The following ZNF600 variants were observed in gnomAD, a reference collection of about 807,000 sequenced individuals.
The protein encoded by ZNF600 is zinc finger protein 600, also known as zinc finger protein KR-ZNF1.
In ZNF600, 4 loss-of-function variants were observed where a neutral mutation model predicts 7.3. That is an observed-to-expected ratio of 0.55 (90% CI 0.27 to 1.25). The LOEUF (loss-of-function observed/expected upper bound fraction) is 1.25. ZNF600 is among the 50% of genes most tolerant of loss of function. The pLI, the probability that ZNF600 is intolerant of heterozygous loss-of-function variation, is 0.12. For synonymous variants in ZNF600, 290 were observed against 308.9 expected, an observed-to-expected ratio of 0.94 and a Z score of 0.64; for missense variants, 911 against 922.1, an observed-to-expected ratio of 0.99 and a Z score of 0.16.
At chr19:52,775,009 G>T (rs1015564273) in intron 2 of ZNF600, among the ~76,000 whole-genome samples, 21 of 152,104 alleles carry the variant, frequency 1.4e-4, no homozygotes, top group Non-Finnish European at 2.4e-4. Context: ...GGAGGCCAAG[G>T]CGGGCAGATT....
chr19:52,830,372 C>T, the ZNF600 span, among the ~76,000 whole-genome samples: 1 of 151,938 alleles, frequency 6.6e-6, no homozygotes, highest in Non-Finnish European at 1.5e-5. Context: ...CGTACATGAC[C>T]CCAATTTGCA....
chr19:52,772,769 T>A (rs2147514706), intron 3 of ZNF600, among the ~76,000 whole-genome samples: 1 of 152,200 alleles, frequency 6.6e-6, no homozygotes, highest in East Asian at 1.9e-4. Flanking sequence ...CCATGACATG[T>A]TCTTAGGCAC....
At chr19:52,819,141 T>C in the ZNF600 span, among the ~76,000 whole-genome samples, 2 of 138,772 alleles carry the variant, frequency 1.4e-5, 1 homozygote, top group Admixed American at 1.5e-4. Flanking sequence ...CAAATGTGAC[T>C]GGGGCAGAGG....
chr19:52,782,390 G>C (rs890528122), intron 1 of ZNF600, among the ~76,000 whole-genome samples: 6 of 151,694 alleles, frequency 4.0e-5, no homozygotes, highest in South Asian at 2.1e-4. Flanking sequence ...GGCCATGGTG[G>C]TGCGTGCCTG....
chr19:52,774,890 A>G (rs1270458477), intron 2 of ZNF600, among the ~76,000 whole-genome samples, 189 bp from the exon 5 acceptor site: 1 of 152,212 alleles, frequency 6.6e-6, no homozygotes, highest in Non-Finnish European at 1.5e-5. Context: ...TTAAGATGCC[A>G]TAAGTCACTA....
upstream of ZNF600, among the ~76,000 whole-genome samples, chr19:52,787,729 G>A (rs1356669444): frequency 6.6e-6 from 1 of 150,524 alleles, no homozygotes; most frequent in Non-Finnish European, 1.5e-5. Context: ...GCGTGGTGGT[G>A]GGTGCCTGTA....
upstream of ZNF600, among the ~76,000 whole-genome samples, chr19:52,790,852 CAT>C (rs367616192): frequency 3.9e-3 from 587 of 152,018 alleles, 7 homozygotes; most frequent in African/African-American, 0.013. Flanking sequence ...ACTCCCAACT[CAT>C]ATTTTTAGTA....
chr19:52,793,159 G>A, the ZNF600 span, among the ~76,000 whole-genome samples: 1 of 152,132 alleles, frequency 6.6e-6, no homozygotes, highest in African/African-American at 2.4e-5. Context: ...TATACTCAGT[G>A]CATTTTGAAC....
chr19:52,815,156 C>T, the ZNF600 span, among the ~76,000 whole-genome samples: 91,287 of 142,454 alleles, frequency 0.64, 32,967 homozygotes, highest in Non-Finnish European at 0.72. Flanking sequence ...TTTGTTTAAC[C>T]GAAGAGGAAT....
chr19:52,820,679 T>TC, the ZNF600 span, among the ~76,000 whole-genome samples: 1 of 152,158 alleles, frequency 6.6e-6, no homozygotes, highest in Non-Finnish European at 1.5e-5. Context: ...CTGATGAGCC[T>TC]CCACATTTCT....
chr19:52,794,577 C>T, the ZNF600 span, among the ~76,000 whole-genome samples: 7 of 152,208 alleles, frequency 4.6e-5, no homozygotes, highest in South Asian at 2.1e-4. Context: ...CAGGATGGGC[C>T]GGGCATGGCG....
At chr19:52,783,659 C>T (rs1465384327) in intron 1 of ZNF600, among the ~76,000 whole-genome samples, 2 of 152,218 alleles carry the variant, frequency 1.3e-5, no homozygotes, top group Non-Finnish European at 2.9e-5. Context: ...CTGCACCTGG[C>T]CTCCCTTCGG....
At chr19:52,764,396 G>A (rs1359870598), downstream of ZNF600, 1 of 152,066 alleles carries the variant, frequency 6.6e-6, no homozygotes, top group African/African-American at 2.4e-5. Flanking sequence ...ATTTTTAGTA[G>A]AGATGGGGTT....
At chr19:52,818,356 C>T in the ZNF600 span, among the ~76,000 whole-genome samples, 1 of 152,148 alleles carries the variant, frequency 6.6e-6, no homozygotes, top group Non-Finnish European at 1.5e-5. Context: ...GTGGAAGGAT[C>T]ACTTGAGCTC....
the ZNF600 span, chr19:52,801,660 C>A: frequency 6.2e-7 from 1 of 1,612,364 alleles, no homozygotes; most frequent in Admixed American, 1.7e-5. Flanking sequence ...ATTGCCTTGC[C>A]CTGTTGAGAA....
the ZNF600 span, among the ~76,000 whole-genome samples, chr19:52,794,671 T>C: frequency 6.6e-6 from 1 of 152,044 alleles, no homozygotes; most frequent in Admixed American, 6.6e-5. Flanking sequence ...GTGGGAGACG[T>C]GGTGAAACCG....
At chr19:52,816,425 G>A in the ZNF600 span, among the ~76,000 whole-genome samples, 1 of 146,068 alleles carries the variant, frequency 6.8e-6, no homozygotes, top group Admixed American at 6.9e-5. Context: ...AGCACTTTGG[G>A]AGGCTGAGGT....
chr19:52,764,581 G>A (rs1031533708), exon 4 of ZNF600: 1 of 148,186 alleles, frequency 6.7e-6, no homozygotes, highest in Admixed American at 6.9e-5. Context: ...GCAGTGGCAC[G>A]ATGTTGGCTC....
chr19:52,823,363 G>A, the ZNF600 span, among the ~76,000 whole-genome samples: 5 of 152,128 alleles, frequency 3.3e-5, 1 homozygote, highest in South Asian at 4.2e-4. Context: ...ACAGGCACAC[G>A]CCACCATGCC....
Sources: allele counts gnomAD v4.1 joint callset (sites outside exome capture counted in the v4.1 genomes callset), GRCh38; gene constraint gnomAD v4.1.1; transcripts MANE v1.5; gene names NCBI Gene and HGNC (gene_info 2026-07-23, HGNC 2026-07-21).